The following KCNC1 variants were observed in gnomAD, a reference collection of about 807,000 sequenced individuals.
KCNC1 encodes the protein potassium voltage-gated channel subfamily C member 1, also known as voltage-gated potassium channel KCNC1.
Under a neutral mutation model 43.4 loss-of-function variants are expected in KCNC1, and 8 were observed. The observed-to-expected ratio is 0.18, with a 90% CI of 0.11 to 0.33. The LOEUF (loss-of-function observed/expected upper bound fraction) is 0.33, where lower values mean the gene tolerates loss of function less well. Ranked by LOEUF, KCNC1 falls within the 10% of genes least tolerant of loss-of-function variation. KCNC1 has a pLI of 1.00. For missense variants in KCNC1, 420 were observed against 836.0 expected (o/e 0.50, Z 6.14); for synonymous variants, 361 against 360.5 (o/e 1.00, Z -0.01).
intron 1 of KCNC1, among the ~76,000 whole-genome samples, chr11:17,737,513 G>A (rs935490620): frequency 7.2e-5 from 11 of 152,108 alleles, no homozygotes; most frequent in Non-Finnish European, 1.6e-4. Flanking sequence ...TGGCCTCTCT[G>A]GATCAGTTTC....
In KCNC1 at chr11:17,777,326, A is replaced by G. The variant is rs1404256097; in HGVS notation, c.1505-2130A>G. 1 of 985,828 alleles carries G rather than the reference A, an allele frequency of 1.0e-6. No individual in the cohort carries two copies. The highest frequency in any genetic ancestry group is 1.7e-5 in the African/African-American group (1 of 57,342). The allele number at this position is 985,828 out of a possible 1,614,324, so 61.1% of individuals were successfully genotyped here. A position where few individuals can be genotyped will look rare whatever the true frequency, so the allele number is the denominator to read the frequency against. ...CCTCCCCTGGCAGAGGATGGCCAAC[A>G]GAGACTCAGCAAGTCCTCACTCCCC... On this transcript the variant is annotated intron_variant, in intron 2 of 3. Transcript: ENST00000265969. This position sits in a 1 kb window ranked among gnomAD's most constrained non-coding sequence, Gnocchi z 4.3.
intron 1 of KCNC1, among the ~76,000 whole-genome samples, chr11:17,747,112 C>T (rs2237954): frequency 0.73 from 111,333 of 151,584 alleles, 42,021 homozygotes; most frequent in East Asian, 0.9. Context: ...TCCTAGGTGG[C>T]AGCTCACCTA....
intron 1 of KCNC1, among the ~76,000 whole-genome samples, chr11:17,756,165 C>T (rs1235638306): frequency 2.0e-5 from 3 of 152,126 alleles, no homozygotes; most frequent in Non-Finnish European, 2.9e-5. Context: ...CTAGTTGATT[C>T]TTATCCATCC....
In KCNC1 at chr11:17,737,004, G is replaced by A. The variant is rs529740688; in HGVS notation, c.570+432G>A. Reference sequence around the variant, plus strand: ...TGGACTGCTCTCGAGATTTCAGTGTGGGGAGGGAAGCTGGGAGCCCTTCCT... The same window carrying A: ...TGGACTGCTCTCGAGATTTCAGTGTAGGGAGGGAAGCTGGGAGCCCTTCCT... On this transcript the variant is annotated intron_variant, in intron 1 of 3. Coordinates refer to ENST00000265969, the MANE Select transcript of KCNC1 (RefSeq NM_001112741.2). Among the ~76,000 whole-genome samples the A allele has an allele frequency of 5.9e-5, 9 of 152,322 alleles. No homozygotes were observed. The East Asian group carries it at 1.7e-3, about 29-fold the overall frequency.
intron 1 of KCNC1, among the ~76,000 whole-genome samples, chr11:17,762,576 G>C (rs1849090835): frequency 6.6e-6 from 1 of 152,194 alleles, no homozygotes; most frequent in Non-Finnish European, 1.5e-5. Context: ...TGCCGTTTCT[G>C]CTCCAGCCAC....
rs756529671 is a variant in KCNC1 at position 17,764,114 on chromosome 11, C to T, written c.571-7551C>T. 3.0e-4 allele frequency among the ~76,000 whole-genome samples: 41 copies of T among 138,012 alleles called. 1 individual carries two copies. The highest frequency in any genetic ancestry group is 1.2e-3 in the Admixed American group (16 of 13,384). The allele number at this position is 138,012 out of a possible 152,430, so 90.5% of individuals were successfully genotyped here. A position where few individuals can be genotyped will look rare whatever the true frequency, so the allele number is the denominator to read the frequency against. ...GCATAGCCCCCCACACACCACCACA[C>T]GTCTCCATAGACACACACACACCCC... On this transcript the variant is annotated intron_variant, in intron 1 of 3. Transcript: ENST00000265969.
In KCNC1 at chr11:17,776,101, C is replaced by T; in HGVS notation, c.1505-3355C>T. ...CCCTGAGTGGGGTCTTTGTTGTCCTCAGGTGGGCTGTGGGGGAAGTAGCGG... is the reference window on the plus strand; with the variant it reads ...CCCTGAGTGGGGTCTTTGTTGTCCTTAGGTGGGCTGTGGGGGAAGTAGCGG... On this transcript the variant is annotated intron_variant, in intron 2 of 3. Transcript: ENST00000265969. This position sits in a 1 kb window ranked among gnomAD's most constrained non-coding sequence, Gnocchi z 4.4. The T allele has an allele frequency of 1.0e-6, 1 of 985,458 alleles. No homozygotes were observed. The highest frequency in any genetic ancestry group is 1.2e-6 in the Non-Finnish European group (1 of 829,984). 61.0% of individuals were successfully genotyped at this position (985,458 alleles called of 1,614,324 possible). A position where few individuals can be genotyped will look rare whatever the true frequency, so the allele number is the denominator to read the frequency against.
Position 17,775,223 on chromosome 11 carries a change from A to G in KCNC1, c.1504+2625A>G, listed in dbSNP as rs1055896966. 8.1e-6 allele frequency: 8 copies of G among 985,520 alleles called. No individual in the cohort carries two copies. In the African/African-American group the frequency reaches 1.4e-4, roughly 17 times the overall value. The allele number at this position is 985,520 out of a possible 1,614,324, so 61.0% of individuals were successfully genotyped here. A position where few individuals can be genotyped will look rare whatever the true frequency, so the allele number is the denominator to read the frequency against. On this transcript the variant is annotated intron_variant, in intron 2 of 3. Transcript: ENST00000265969. ...CCTCGCCAAAACCTGAGCTTCTCCAATTCCACTTTTAAAACCAGAGTTAGG... is the reference window on the plus strand; with the variant it reads ...CCTCGCCAAAACCTGAGCTTCTCCAGTTCCACTTTTAAAACCAGAGTTAGG...
chr11:17,754,154 G>T (rs1239756657), intron 1 of KCNC1, among the ~76,000 whole-genome samples: 1 of 152,190 alleles, frequency 6.6e-6, no homozygotes, highest in Non-Finnish European at 1.5e-5. Flanking sequence ...ACATGAGTCT[G>T]CTTTCAATGA....
intron 1 of KCNC1, among the ~76,000 whole-genome samples, chr11:17,743,797 C>T (rs1268682127): frequency 6.6e-6 from 1 of 152,246 alleles, no homozygotes; most frequent in Non-Finnish European, 1.5e-5. Flanking sequence ...CCCCTCACTT[C>T]AGTGTCCTCC....
Position 17,776,915 on chromosome 11 carries a change from C to G in KCNC1, c.1505-2541C>G. On this transcript the variant is annotated intron_variant, in intron 2 of 3. Transcript: ENST00000265969. This position sits in a 1 kb window ranked among gnomAD's most constrained non-coding sequence, Gnocchi z 4.4. ...TAGACGAACAGCCCAGGGGCCTGGG[C>G]CCCTTCACAGAGCAAGACTTAAGCT... 1.1e-5 allele frequency: 11 copies of G among 985,320 alleles called. No individual in the cohort carries two copies. The highest frequency in any genetic ancestry group is 1.3e-5 in the Non-Finnish European group (11 of 829,946). The allele number at this position is 985,320 out of a possible 1,614,324, so 61.0% of individuals were successfully genotyped here. A position where few individuals can be genotyped will look rare whatever the true frequency, so the allele number is the denominator to read the frequency against.
intron 1 of KCNC1, among the ~76,000 whole-genome samples, chr11:17,740,104 C>T (rs1364099132): frequency 2.6e-5 from 4 of 152,190 alleles, no homozygotes; most frequent in East Asian, 3.9e-4. Flanking sequence ...TTGGTGCTGG[C>T]CCTGGAGATA....
chr11:17,775,954 G>A (rs1849281663), intron 2 of KCNC1: 1 of 984,220 alleles, frequency 1.0e-6, no homozygotes, highest in Non-Finnish European at 1.2e-6. Context: ...GGGCAGCAGT[G>A]GCTGCCCAGT....
intron 1 of KCNC1, among the ~76,000 whole-genome samples, chr11:17,754,875 C>T (rs1484189475): frequency 5.3e-5 from 8 of 152,182 alleles, no homozygotes; most frequent in Admixed American, 2.6e-4. Flanking sequence ...TTCTGAGTTA[C>T]GTGGGATTTT....
chr11:17,763,571 TACAC>T lies in KCNC1; in HGVS notation c.571-8080_571-8077del, dbSNP rs148784935. On this transcript the variant is annotated intron_variant, in intron 1 of 3. Transcript: ENST00000265969. ...CCCCCACACCACCCCACACATGCAATACACACACACACACACAGACCCCCACACA... is the reference window on the plus strand; with the variant it reads ...CCCCCACACCACCCCACACATGCAATACACACACACACAGACCCCCACACA... 8.7e-3 allele frequency among the ~76,000 whole-genome samples: 683 copies of T among 78,150 alleles called. 3 individuals carry two copies. The highest frequency in any genetic ancestry group is 0.011 in the Non-Finnish European group (435 of 40,890). 51.3% of individuals were successfully genotyped at this position (78,150 alleles called of 152,430 possible). A position where few individuals can be genotyped will look rare whatever the true frequency, so the allele number is the denominator to read the frequency against.
chr11:17,763,635 CACA>C (rs1212397324), intron 1 of KCNC1, among the ~76,000 whole-genome samples: 4 of 32,372 alleles, frequency 1.2e-4, no homozygotes, highest in Admixed American at 7.4e-4. Flanking sequence ...CCCACACACA[CACA>C]CCCCCACACC....
At position 17,736,348 on chromosome 11, in the gene KCNC1, G is replaced by A; in HGVS notation, c.346G>A (p.Glu116Lys). ...WMTYRQHRDA[E>K]EALDSFGGAP... ...GACGTACCGCCAGCACCGCGACGCC[G>A]AGGAGGCTCTGGACAGCTTCGGCGG... is the stretch of plus-strand genomic sequence containing the variant. Residue 116 changes from glutamate to lysine, a missense_variant, in exon 1 of 4, where the codon GAG (glutamate) becomes AAG (lysine). This residue lies in a region of KCNC1 where 22 missense variants were observed against 104.8 expected (regional missense o/e 0.21). Transcript: ENST00000265969. The surrounding 1 kb of genome is among the most constrained non-coding windows in gnomAD (Gnocchi z 9.3). 6.2e-7 allele frequency: 1 copy of A among 1,612,954 alleles called. No individual in the cohort carries two copies. The highest frequency in any genetic ancestry group is 8.5e-7 in the Non-Finnish European group (1 of 1,179,808).
rs1434037801 is a variant in KCNC1 at position 17,742,692 on chromosome 11, C to T, written c.570+6120C>T. Among the ~76,000 whole-genome samples the T allele has an allele frequency of 6.6e-6, 1 of 152,208 alleles. No homozygotes were observed. The highest frequency in any genetic ancestry group is 1.5e-5 in the Non-Finnish European group (1 of 68,042). On this transcript the variant is annotated intron_variant, in intron 1 of 3. Transcript: ENST00000265969. This position sits in a 1 kb window ranked among gnomAD's most constrained non-coding sequence, Gnocchi z 4.2. The stretch of plus-strand genomic sequence containing the variant: ...ATTGCAGGGAATGGGTGCTCCCAGG[C>T]TACCTCTAGTCAATATTTTCATTCA...
In KCNC1 at chr11:17,735,589, A is replaced by T. The variant is rs1162158801; in HGVS notation, c.-414A>T. ...CCGATTTCTCCATTTTCCCGCGGAG[A>T]TGGGGACGGGAGCCCGGCCCCCCAA... is the stretch of plus-strand genomic sequence containing the variant. On this transcript the variant is annotated 5_prime_UTR_variant, in exon 1 of 4. It removes an upstream start codon present in the reference 5' UTR. Transcript: ENST00000265969. The surrounding 1 kb of genome is among the most constrained non-coding windows in gnomAD (Gnocchi z 6.7). 5.8e-6 allele frequency: 1 copy of T among 172,002 alleles called. No individual in the cohort carries two copies. The highest frequency in any genetic ancestry group is 1.2e-5 in the Non-Finnish European group (1 of 82,566). 10.7% of individuals were successfully genotyped at this position (172,002 alleles called of 1,614,324 possible). A position where few individuals can be genotyped will look rare whatever the true frequency, so the allele number is the denominator to read the frequency against.
Sources: gnomAD v4.1 joint callset for allele counts (sites outside exome capture counted in the v4.1 genomes callset) on GRCh38, gnomAD v4.1.1 for gene constraint, gnomAD v4.1.1 regional missense constraint, Gnocchi (gnomAD v3.1) non-coding constraint, MANE v1.5 for transcripts, NCBI Gene and HGNC (gene_info 2026-07-23, HGNC 2026-07-21) for gene names.